The following NALF1 variants were observed in gnomAD, a reference collection of about 807,000 sequenced individuals.
The protein encoded by NALF1 is NALCN channel auxiliary factor 1.
A neutral mutation model predicts 48.4 loss-of-function variants in NALF1; 3 were observed. The observed-to-expected ratio is 0.06, with a 90% CI of 0.03 to 0.16. The LOEUF is 0.16. Among genes scored for constraint, NALF1 ranks in the 10% least tolerant of loss-of-function variants. The probability of loss-of-function intolerance (pLI) is 1.00; values close to 1 mark genes in which losing one functional copy is unlikely to be tolerated. For missense variants in NALF1, 526 were observed against 571.5 expected (o/e 0.92, Z 0.81); for synonymous variants, 262 against 245.7 (o/e 1.07, Z -0.62).
intron 1 of NALF1, among the ~76,000 whole-genome samples, chr13:107,715,579 G>A (rs907766268): frequency 6.6e-6 from 1 of 152,218 alleles, no homozygotes; most frequent in African/African-American, 2.4e-5. Flanking sequence ...CTATGGCAGA[G>A]TTGGAGTGGT....
At chr13:107,455,738 T>G (rs1884814077) in intron 1 of NALF1, among the ~76,000 whole-genome samples, 1 of 152,230 alleles carries the variant, frequency 6.6e-6, no homozygotes, top group South Asian at 2.1e-4. Flanking sequence ...GATCCCTTTG[T>G]CTTCATAGAT....
At chr13:107,761,081 G>A (rs967448184) in intron 1 of NALF1, among the ~76,000 whole-genome samples, 2 of 152,124 alleles carry the variant, frequency 1.3e-5, no homozygotes, top group African/African-American at 2.4e-5. Flanking sequence ...GGCCAGGCGC[G>A]GTGGCTGAAA....
chr13:107,818,465 G>A lies in NALF1; in HGVS notation c.915+47217C>T, dbSNP rs1311626587. Among the ~76,000 whole-genome samples the A allele has an allele frequency of 2.0e-5, 3 of 152,190 alleles. No individual in the cohort carries two copies. In the East Asian group the frequency reaches 5.8e-4, roughly 29 times the overall value. ...TTGGAAGGGGGTTTGTGGAGGTTGA[G>A]TCCCAGTCCCAAAGACCTCCTAACC... On this transcript the variant is annotated intron_variant, in intron 1 of 2. Transcript: ENST00000375915.
intron 1 of NALF1, among the ~76,000 whole-genome samples, chr13:107,452,008 T>C (rs927718976): frequency 2.0e-5 from 3 of 152,186 alleles, no homozygotes; most frequent in African/African-American, 7.2e-5. Context: ...CCCTCTCTTA[T>C]CCATCTATCC....
At chr13:107,769,700 AAAAG>A (rs1359292965) in intron 1 of NALF1, among the ~76,000 whole-genome samples, 6 of 151,928 alleles carry the variant, frequency 3.9e-5, no homozygotes, top group South Asian at 4.2e-4. Flanking sequence ...TAAAAAAAAA[AAAAG>A]AAGAAATAAA....
intron 1 of NALF1, among the ~76,000 whole-genome samples, chr13:107,295,378 T>C (rs1056457358): frequency 6.6e-6 from 1 of 152,236 alleles, no homozygotes; most frequent in East Asian, 1.9e-4. Context: ...ATTTGCTTTA[T>C]CTAATCCACC....
chr13:107,860,262 C>T (rs1042499073), intron 1 of NALF1, among the ~76,000 whole-genome samples: 6 of 152,148 alleles, frequency 3.9e-5, no homozygotes, highest in Non-Finnish European at 5.9e-5. Flanking sequence ...AATAGAAATT[C>T]GTTCCCTGCC....
intron 1 of NALF1, among the ~76,000 whole-genome samples, chr13:107,745,487 T>C (rs1249272925): frequency 1.3e-5 from 2 of 152,214 alleles, no homozygotes; most frequent in Non-Finnish European, 1.5e-5. Flanking sequence ...ACAAATTTGA[T>C]TCCATCACTC....
intron 1 of NALF1, among the ~76,000 whole-genome samples, chr13:107,835,780 TG>T (rs563204870): frequency 1.3e-5 from 2 of 152,168 alleles, no homozygotes; most frequent in Non-Finnish European, 1.5e-5. Context: ...TGTGCCAGGC[TG>T]GGGGTTTCGC....
intron 1 of NALF1, among the ~76,000 whole-genome samples, chr13:107,538,474 T>C (rs189921271): frequency 1.3e-3 from 200 of 152,302 alleles, no homozygotes; most frequent in Non-Finnish European, 6.9e-4. Flanking sequence ...GAGCTCAGGT[T>C]AAATTACCTT....
chr13:107,683,816 C>G (rs896564377), intron 1 of NALF1, among the ~76,000 whole-genome samples: 1 of 149,482 alleles, frequency 6.7e-6, no homozygotes, highest in African/African-American at 2.5e-5. Flanking sequence ...GCGATTTTGT[C>G]CTCTGTCGCT....
At chr13:107,292,469 CT>C (rs1207423876) in intron 1 of NALF1, among the ~76,000 whole-genome samples, 1 of 152,114 alleles carries the variant, frequency 6.6e-6, no homozygotes, top group African/African-American at 2.4e-5. Flanking sequence ...TTATTTATAG[CT>C]TTTATCTATA....
chr13:107,382,783 T>G (rs1883462889), intron 1 of NALF1, among the ~76,000 whole-genome samples: 1 of 152,234 alleles, frequency 6.6e-6, no homozygotes, highest in South Asian at 2.1e-4. Context: ...ATGAGTGGTG[T>G]TGTCTGATGT....
chr13:107,252,033 G>T (rs1269685796), intron 1 of NALF1, among the ~76,000 whole-genome samples: 1 of 152,168 alleles, frequency 6.6e-6, no homozygotes, highest in African/African-American at 2.4e-5. Context: ...TGCAGAGGGG[G>T]ACTCTGGCAG....
intron 1 of NALF1, among the ~76,000 whole-genome samples, chr13:107,544,326 G>A (rs1171402026): frequency 6.6e-6 from 1 of 152,070 alleles, no homozygotes; most frequent in African/African-American, 2.4e-5. Context: ...CTTGGCATTT[G>A]TGATATTTTA....
intron 1 of NALF1, among the ~76,000 whole-genome samples, chr13:107,354,316 C>A (rs76020344): frequency 0.013 from 2,010 of 151,908 alleles, 41 homozygotes; most frequent in African/African-American, 0.046. Flanking sequence ...GTATTGGGGA[C>A]CCTGGGCCAT....
At chr13:107,368,862 T>C (rs1594140291) in intron 1 of NALF1, among the ~76,000 whole-genome samples, 2 of 152,338 alleles carry the variant, frequency 1.3e-5, no homozygotes, top group East Asian at 3.9e-4. Flanking sequence ...CCCTTTATGA[T>C]ATGGATCTCC....
chr13:107,318,889 G>C (rs539320028), intron 1 of NALF1, among the ~76,000 whole-genome samples: 1 of 152,166 alleles, frequency 6.6e-6, no homozygotes, highest in African/African-American at 2.4e-5. Flanking sequence ...CATAAAGCAA[G>C]CACAATGCAT....
chr13:107,433,548 A>G (rs1009233323), intron 1 of NALF1, among the ~76,000 whole-genome samples: 1 of 152,176 alleles, frequency 6.6e-6, no homozygotes, highest in Non-Finnish European at 1.5e-5. Flanking sequence ...CACATTGTGC[A>G]CATGTACCCT....
Sources: allele counts gnomAD v4.1 joint callset (sites outside exome capture counted in the v4.1 genomes callset), GRCh38; gene constraint gnomAD v4.1.1; transcripts MANE v1.5; gene names NCBI Gene and HGNC (gene_info 2026-07-23, HGNC 2026-07-21).